LYG1: variants seen among roughly 807,000 people sequenced by gnomAD.
LYG1 encodes lysozyme g-like protein 1.
LYG1 carries 17 observed loss-of-function variants against 21.7 expected under a neutral mutation model. That is an observed-to-expected ratio of 0.78 (90% CI 0.54 to 1.18). The LOEUF (loss-of-function observed/expected upper bound fraction) is 1.18, where lower values mean the gene tolerates loss of function less well. LYG1 is among the 50% of genes most tolerant of loss of function. LYG1 has a pLI of 0.00. For missense variants in LYG1, 211 were observed against 238.1 expected, an observed-to-expected ratio of 0.89 and a Z score of 0.75; for synonymous variants, 81 against 87.4, an observed-to-expected ratio of 0.93 and a Z score of 0.41.
intron 5 of LYG1, among the ~76,000 whole-genome samples, chr2:99,290,068 G>T (rs577588519): frequency 6.6e-6 from 1 of 152,136 alleles, no homozygotes; most frequent in East Asian, 1.9e-4. Context: ...ATGTTGGCTG[G>T]GCTGGTCTCG....
upstream of LYG1, among the ~76,000 whole-genome samples, chr2:99,304,099 C>T (rs531638176): frequency 1.7e-4 from 26 of 152,166 alleles, no homozygotes; most frequent in African/African-American, 6.0e-4. Flanking sequence ...AATGTGAGGA[C>T]ATGAGATTTG....
chr2:99,287,403 A>T (rs1346832034), intron 5 of LYG1, among the ~76,000 whole-genome samples: 1 of 152,160 alleles, frequency 6.6e-6, no homozygotes, highest in African/African-American at 2.4e-5. Flanking sequence ...GAGGGAGAGG[A>T]TCAGGAAAAA....
chr2:99,299,698 C>A (rs1382926860), intron 1 of LYG1, among the ~76,000 whole-genome samples: 2 of 151,930 alleles, frequency 1.3e-5, no homozygotes, highest in Admixed American at 1.3e-4. Context: ...GTGCTGGGAA[C>A]CACCAACACC....
intron 1 of LYG1, among the ~76,000 whole-genome samples, chr2:99,299,077 A>C (rs1337670533): frequency 1.3e-5 from 2 of 149,832 alleles, no homozygotes; most frequent in Non-Finnish European, 3.0e-5. Context: ...GACTACAGGC[A>C]CTCCACGCCC....
intron 4 of LYG1, among the ~76,000 whole-genome samples, 181 bp downstream of exon 4, chr2:99,292,355 A>G (rs1426045236): frequency 6.6e-6 from 1 of 152,182 alleles, no homozygotes; most frequent in East Asian, 1.9e-4. Flanking sequence ...GCTCACAACA[A>G]CACTGTAAAT....
Position 99,299,929 on chromosome 2 carries a change from C to A in LYG1, c.-124+1121G>T, listed in dbSNP as rs549515544. ...CTACATATATACACACACACGTACA[C>A]ACACACACGTACACACACACACATG... On this transcript the variant is annotated intron_variant, in intron 1 of 6. Transcript: ENST00000308528. Among the ~76,000 whole-genome samples the A allele has an allele frequency of 3.9e-5, 6 of 152,100 alleles. No individual in the cohort carries two copies. In the South Asian group the frequency reaches 1.2e-3, roughly 32 times the overall value.
At chr2:99,296,802 GTTGT>G (rs1479200118) in intron 2 of LYG1, among the ~76,000 whole-genome samples, 2 of 152,146 alleles carry the variant, frequency 1.3e-5, no homozygotes, top group African/African-American at 4.8e-5. Flanking sequence ...AACCTTATGG[GTTGT>G]TTCTTTCAAA....
chr2:99,291,930 C>T (rs915937543), intron 4 of LYG1, among the ~76,000 whole-genome samples: 7 of 152,124 alleles, frequency 4.6e-5, no homozygotes, highest in Non-Finnish European at 7.4e-5. Flanking sequence ...GAATGCTGGG[C>T]AAAAGGAAAG....
At position 99,292,556 on chromosome 2, in the gene LYG1, C is replaced by G. The variant is rs147183942; in HGVS notation, c.128G>C (p.Arg43Pro). The G allele has an allele frequency of 6.2e-7, 1 of 1,613,912 alleles. No individual in the cohort carries two copies. Among genetic ancestry groups the G allele is most frequent in the South Asian group, 1.1e-5 (1 of 91,084 alleles). ...TPGASCGIGR[R>P]HGLNYCGVRA... Reference sequence around the variant, plus strand: ...GCTACCACAGTAGTTCAGGCCGTGACGTCTTCCAATCCCACAAGATGCTCC... The same window carrying G: ...GCTACCACAGTAGTTCAGGCCGTGAGGTCTTCCAATCCCACAAGATGCTCC... The change falls in exon 4 of 7, where the codon CGT (arginine) becomes CCT (proline). Residue 43 changes from arginine (R) to proline (P), a missense_variant. By Grantham distance (103) the Arg-to-Pro change is moderately radical. Transcript: ENST00000308528.
At chr2:99,285,024 G>A (rs1031997789) in intron 5 of LYG1, among the ~76,000 whole-genome samples, 1 of 152,166 alleles carries the variant, frequency 6.6e-6, no homozygotes. Flanking sequence ...TGCCAGACAG[G>A]TGGAGAGAAC....
At chr2:99,301,831 G>A (rs1326466925), upstream of LYG1, among the ~76,000 whole-genome samples, 2 of 150,954 alleles carry the variant, frequency 1.3e-5, no homozygotes, top group Non-Finnish European at 2.9e-5. Flanking sequence ...CAGCAATGTG[G>A]GGAGAGATGA....
intron 5 of LYG1, among the ~76,000 whole-genome samples, chr2:99,288,508 T>C (rs1350715023): frequency 3.9e-5 from 6 of 152,190 alleles, no homozygotes; most frequent in Admixed American, 3.9e-4. Flanking sequence ...ATCATCTTAA[T>C]TTGTTATTTC....
chr2:99,301,169 TA>T lies in LYG1; in HGVS notation c.-244del, dbSNP rs1430400662. 6.6e-6 allele frequency: 1 copy of T among 151,966 alleles called. No homozygotes were observed. Among genetic ancestry groups the T allele is most frequent in the African/African-American group, 2.4e-5 (1 of 41,336 alleles). 9.4% of individuals were successfully genotyped at this position (151,966 alleles called of 1,614,324 possible). On this transcript the variant is annotated 5_prime_UTR_variant, in exon 1 of 7. An upstream open reading frame in the 5' UTR loses its in-frame stop. Transcript: ENST00000308528. ...TTTTGGAGAGATTTATGACATCTCA[TA>T]AATTATAATAATAATCATAATTATT...
chr2:99,301,418 T>G (rs1294724440), upstream of LYG1, among the ~76,000 whole-genome samples: 13 of 122,168 alleles, frequency 1.1e-4, no homozygotes, highest in South Asian at 2.5e-4. Context: ...AGAGAGAGAG[T>G]GAGAAGGAGA....
chr2:99,291,491 G>C (rs2094118223), intron 4 of LYG1, 70 bp from the exon 5 acceptor site: 1 of 1,498,934 alleles, frequency 6.7e-7, no homozygotes, highest in Admixed American at 1.9e-5. Context: ...CAAGGGGAGA[G>C]AGAAAGAACA....
In LYG1 at chr2:99,284,478, T is replaced by C. The variant is rs2094090855; in HGVS notation, c.500A>G (p.Tyr167Cys). ...GLCAYSGGAG[Y>C]VRSSQDLSCD... The stretch of plus-strand genomic sequence containing the variant: ...GCTCAGGTCCTGGCTGCTTCGGACA[T>C]AGCCAGCACCCCCACTGTAGGCACA... Residue 167 changes from tyrosine to cysteine, a missense_variant, in exon 7 of 7, where the codon TAT becomes TGT. Physicochemically the swap from Tyr to Cys is radical, Grantham distance 194. Transcript: ENST00000308528. The C allele has an allele frequency of 3.7e-6, 6 of 1,614,072 alleles. No homozygotes were observed. Among genetic ancestry groups the C allele is most frequent in the Middle Eastern group, 3.3e-4 (2 of 6,084 alleles).
At chr2:99,284,659 A>G (rs1369471826) in intron 6 of LYG1, 29 bp downstream of exon 6, 1 of 1,608,460 alleles carries the variant, frequency 6.2e-7, no homozygotes, top group Admixed American at 1.7e-5. Context: ...TCTGTGCTTG[A>G]GACAACTGAC....
At chr2:99,301,773 G>C (rs930834040), upstream of LYG1, among the ~76,000 whole-genome samples, 10 of 139,998 alleles carry the variant, frequency 7.1e-5, no homozygotes, top group Non-Finnish European at 1.6e-4. Flanking sequence ...TAGGTTGCTG[G>C]CCCCTGTTCT....
upstream of LYG1, chr2:99,304,546 G>C (rs1379349617): frequency 6.6e-6 from 1 of 152,300 alleles, no homozygotes; most frequent in Non-Finnish European, 1.5e-5. Flanking sequence ...ACTCAGTTTG[G>C]GACAAGACGC....
Sources: gnomAD v4.1 joint callset for allele counts (sites outside exome capture counted in the v4.1 genomes callset) on GRCh38, gnomAD v4.1.1 for gene constraint, MANE v1.5 for transcripts, NCBI Gene and HGNC (gene_info 2026-07-23, HGNC 2026-07-21) for gene names.